Variants in KCNH7 observed in about 807,000 individuals in gnomAD.
KCNH7 encodes potassium voltage-gated channel subfamily H member 7.
KCNH7 carries 49 observed loss-of-function variants against 120.8 expected under a neutral mutation model. That is an observed-to-expected ratio of 0.41 (90% confidence interval 0.32 to 0.51). The LOEUF is 0.51. KCNH7 is among the 20% of genes least tolerant of loss of function. The pLI is 0.38. For synonymous variants in KCNH7, 547 were observed against 516.1 expected, an observed-to-expected ratio of 1.06 and a Z score of -0.81; for missense variants, 1,097 against 1,446.6, an observed-to-expected ratio of 0.76 and a Z score of 3.92.
intron 6 of KCNH7, among the ~76,000 whole-genome samples, chr2:162,471,709 A>T (rs1269335066): frequency 1.3e-5 from 2 of 152,210 alleles, no homozygotes; most frequent in Non-Finnish European, 2.9e-5. Flanking sequence ...GCTACCAATG[A>T]CTTTCTTCAC....
rs1326956327 is a variant in KCNH7 at position 162,828,931 on chromosome 2, C to CA, written c.307+7605dup. The stretch of plus-strand genomic sequence containing the variant: ...AAAACAGTGGGAATCATGAAAAGGA[C>CA]AAGTTTGCACACAAGCAGGCCTACT... On this transcript the variant is annotated intron_variant, in intron 2 of 15. Transcript: ENST00000332142. Among the ~76,000 whole-genome samples, 3 of 152,208 alleles carry CA rather than the reference C, an allele frequency of 2.0e-5. No individual in the cohort carries two copies. The East Asian group carries it at 5.8e-4, about 29-fold the overall frequency.
chr2:162,814,822 T>TTTG (rs575063727), intron 2 of KCNH7, among the ~76,000 whole-genome samples: 5 of 152,116 alleles, frequency 3.3e-5, no homozygotes, highest in Admixed American at 1.3e-4. Flanking sequence ...CAGCAGTCTT[T>TTTG]TTGTTGTTGT....
chr2:162,760,246 T>A (rs11891883), intron 2 of KCNH7, among the ~76,000 whole-genome samples: 2,285 of 152,186 alleles, frequency 0.015, 49 homozygotes, highest in African/African-American at 0.05. Flanking sequence ...CTAAAAAAAG[T>A]CTCAAGTAGA....
chr2:162,371,865 A>T lies in KCNH7; in HGVS notation c.3555T>A (p.His1185Gln). The change falls in exon 16 of 16, where the codon CAT becomes CAA. Residue 1185 changes from histidine to glutamine, a missense_variant. This residue lies in a region of KCNH7 where 406 missense variants were observed against 410.5 expected (regional missense o/e 0.99). Coordinates refer to ENST00000332142, the MANE Select transcript of KCNH7 (RefSeq NM_033272.4). ...SLSTVGIVGL[H>Q]RHVSDPGLPG... The stretch of plus-strand genomic sequence containing the variant: ...GAAGACCAGGATCAGAAACATGCCT[A>T]TGAAGACCCACGATTCCTACAGTGC... 1.2e-6 allele frequency: 2 copies of T among 1,612,816 alleles called. No individual in the cohort carries two copies. The highest frequency in any genetic ancestry group is 1.7e-6 in the Non-Finnish European group (2 of 1,178,928).
intron 6 of KCNH7, among the ~76,000 whole-genome samples, chr2:162,458,533 C>G (rs1264882475): frequency 2.6e-5 from 4 of 152,130 alleles, no homozygotes; most frequent in African/African-American, 9.7e-5. Flanking sequence ...CCCCTCTTAC[C>G]TGTCTCTTGG....
At chr2:162,541,375 C>A (rs1349983589) in intron 2 of KCNH7, among the ~76,000 whole-genome samples, 1 of 151,916 alleles carries the variant, frequency 6.6e-6, no homozygotes, top group East Asian at 1.9e-4. Flanking sequence ...TGGGTAGGAG[C>A]AGATGGTGAG....
At chr2:162,408,053 G>A (rs1687280879) in intron 9 of KCNH7, among the ~76,000 whole-genome samples, 1 of 152,114 alleles carries the variant, frequency 6.6e-6, no homozygotes, top group South Asian at 2.1e-4. Flanking sequence ...CAGAGACAAT[G>A]CATTAGGAAT....
chr2:162,789,369 G>C (rs1559135138), intron 2 of KCNH7, among the ~76,000 whole-genome samples: 2 of 151,898 alleles, frequency 1.3e-5, no homozygotes, highest in Admixed American at 6.6e-5. Context: ...AGCAAAAATT[G>C]ATATAACTGA....
At chr2:162,740,372 G>A (rs1444954842) in intron 2 of KCNH7, among the ~76,000 whole-genome samples, 1 of 152,134 alleles carries the variant, frequency 6.6e-6, no homozygotes, top group African/African-American at 2.4e-5. Flanking sequence ...TGAGTGAAAG[G>A]CCAAAGTGAG....
At chr2:162,711,607 T>C (rs1421959178) in intron 2 of KCNH7, among the ~76,000 whole-genome samples, 2 of 152,224 alleles carry the variant, frequency 1.3e-5, no homozygotes, top group Admixed American at 1.3e-4. Flanking sequence ...CCGTTCAACC[T>C]TGGAGGACGT....
intron 2 of KCNH7, among the ~76,000 whole-genome samples, chr2:162,695,027 A>G (rs1686241620): frequency 6.6e-6 from 1 of 152,064 alleles, no homozygotes; most frequent in Non-Finnish European, 1.5e-5. Flanking sequence ...AGGTGTGAGA[A>G]AGTGCTGGGA....
At chr2:162,724,793 G>A (rs564027167) in intron 2 of KCNH7, among the ~76,000 whole-genome samples, 3 of 152,110 alleles carry the variant, frequency 2.0e-5, no homozygotes, top group African/African-American at 4.8e-5. Context: ...GGTTGACTAC[G>A]GATAACTGAA....
intron 2 of KCNH7, among the ~76,000 whole-genome samples, chr2:162,694,099 C>A (rs1052467343): frequency 5.3e-5 from 8 of 152,082 alleles, no homozygotes; most frequent in South Asian, 2.1e-4. Flanking sequence ...TATGTATTCT[C>A]ATTCTGAAAA....
At chr2:162,530,472 G>GCGCA (rs144810710) in intron 3 of KCNH7, among the ~76,000 whole-genome samples, 78 of 149,754 alleles carry the variant, frequency 5.2e-4, no homozygotes, top group African/African-American at 1.7e-3. Flanking sequence ...GAGCGTGCGC[G>GCGCA]CACACACACA....
At chr2:162,748,260 G>A (rs1436586685) in intron 2 of KCNH7, among the ~76,000 whole-genome samples, 1 of 152,154 alleles carries the variant, frequency 6.6e-6, no homozygotes, top group Non-Finnish European at 1.5e-5. Flanking sequence ...CTGTGTATGT[G>A]TCTTAAGTGT....
chr2:162,574,568 A>G (rs1393866476), intron 2 of KCNH7, among the ~76,000 whole-genome samples: 3 of 152,094 alleles, frequency 2.0e-5, no homozygotes, highest in Non-Finnish European at 2.9e-5. Context: ...CTTAGAGCCA[A>G]GAGTTTTTGG....
At chr2:162,452,951 T>C (rs1416039285) in intron 6 of KCNH7, among the ~76,000 whole-genome samples, 1 of 152,090 alleles carries the variant, frequency 6.6e-6, no homozygotes, top group Non-Finnish European at 1.5e-5. Context: ...TTTATTTCAT[T>C]TTTATTTCAC....
At chr2:162,442,076 G>A (rs1205167607) in intron 7 of KCNH7, among the ~76,000 whole-genome samples, 2 of 127,546 alleles carry the variant, frequency 1.6e-5, no homozygotes, top group Non-Finnish European at 3.2e-5. Context: ...GAGTGCAGTG[G>A]TGCGATCTCT....
intron 2 of KCNH7, among the ~76,000 whole-genome samples, chr2:162,799,348 GC>G (rs1445159849): frequency 1.3e-5 from 2 of 151,104 alleles, no homozygotes; most frequent in African/African-American, 4.9e-5. Flanking sequence ...TTAAATTTTT[GC>G]AAAAATATTT....
Sources: allele counts gnomAD v4.1 joint callset (sites outside exome capture counted in the v4.1 genomes callset), GRCh38; gene constraint gnomAD v4.1.1; regional missense constraint gnomAD v4.1.1; transcripts MANE v1.5; gene names NCBI Gene and HGNC (gene_info 2026-07-23, HGNC 2026-07-21).